The following ADK variants were observed in gnomAD, a reference collection of about 807,000 sequenced individuals.
ADK encodes the protein adenosine kinase.
In ADK, 24 loss-of-function variants were observed where a neutral mutation model predicts 44.7. The observed-to-expected ratio is 0.54, with a 90% CI of 0.39 to 0.76. ADK has a LOEUF of 0.76. Among genes scored for constraint, ADK ranks in the 30% least tolerant of loss-of-function variants. ADK has a pLI of 0.00. For missense variants in ADK, 321 were observed against 425.1 expected, an observed-to-expected ratio of 0.76 and a Z score of 2.15; for synonymous variants, 128 against 142.6, an observed-to-expected ratio of 0.90 and a Z score of 0.73.
chr10:74,567,742 A>G (rs1471255448), intron 7 of ADK, among the ~76,000 whole-genome samples: 1 of 129,542 alleles, frequency 7.7e-6, no homozygotes, highest in Non-Finnish European at 1.5e-5. Flanking sequence ...TCTGTCGCCC[A>G]GGCTGGAGTG....
chr10:74,560,849 C>G (rs954746599), intron 7 of ADK, among the ~76,000 whole-genome samples: 1 of 152,072 alleles, frequency 6.6e-6, no homozygotes, highest in Non-Finnish European at 1.5e-5. Context: ...TTGCTAAGCT[C>G]TTGCAAGAGA....
At chr10:74,708,209 G>A in intron 10 of ADK, 112 bp from the exon 11 acceptor site, 1 of 1,105,912 alleles carries the variant, frequency 9.0e-7, no homozygotes, top group Non-Finnish European at 1.3e-6. Flanking sequence ...TTCTCTTACT[G>A]TCAAGGCTGA....
chr10:74,259,605 C>T (rs1384529512), intron 3 of ADK, among the ~76,000 whole-genome samples: 1 of 151,632 alleles, frequency 6.6e-6, no homozygotes, highest in Admixed American at 6.6e-5. Context: ...TACAGGCACC[C>T]GCCACCATGC....
At chr10:74,552,608 CT>C (rs35421202) in intron 7 of ADK, among the ~76,000 whole-genome samples, 6,443 of 137,520 alleles carry the variant, frequency 0.047, 251 homozygotes, top group African/African-American at 0.11. Flanking sequence ...CTTAATAAAG[CT>C]TTTTTTTTTT....
At chr10:74,475,398 A>G (rs1846789455) in intron 6 of ADK, among the ~76,000 whole-genome samples, 1 of 152,116 alleles carries the variant, frequency 6.6e-6, no homozygotes, top group South Asian at 2.1e-4. Context: ...TGTTTCTCCA[A>G]GGATCACTGG....
intron 7 of ADK, among the ~76,000 whole-genome samples, chr10:74,574,464 T>G (rs1269327677): frequency 1.3e-5 from 2 of 152,220 alleles, no homozygotes; most frequent in African/African-American, 4.8e-5. Flanking sequence ...CCACTGTGCC[T>G]GGCCATTCTT....
At chr10:74,402,538 C>T (rs1328285288) in intron 6 of ADK, among the ~76,000 whole-genome samples, 1 of 152,140 alleles carries the variant, frequency 6.6e-6, no homozygotes, top group Non-Finnish European at 1.5e-5. Context: ...ATCGAATCAG[C>T]TACTGAAGCT....
chr10:74,244,343 A>G (rs1290773830), intron 3 of ADK, among the ~76,000 whole-genome samples: 2 of 152,232 alleles, frequency 1.3e-5, no homozygotes, highest in Non-Finnish European at 1.5e-5. Context: ...ACTTCAAAAA[A>G]GTGTATGGAA....
At chr10:74,528,531 C>T (rs1169276685) in intron 7 of ADK, among the ~76,000 whole-genome samples, 1 of 149,824 alleles carries the variant, frequency 6.7e-6, no homozygotes, top group African/African-American at 2.4e-5. Context: ...TAGACATCAT[C>T]AAAATTAACA....
intron 1 of ADK, among the ~76,000 whole-genome samples, chr10:74,196,900 A>G (rs867326066): frequency 2.0e-5 from 3 of 152,178 alleles, no homozygotes; most frequent in Non-Finnish European, 4.4e-5. Context: ...GTGGTCCAAC[A>G]ACTTCATTAA....
At chr10:74,349,269 TAAAG>T (rs1205532674) in intron 4 of ADK, among the ~76,000 whole-genome samples, 1 of 152,170 alleles carries the variant, frequency 6.6e-6, no homozygotes, top group East Asian at 1.9e-4. Context: ...TCAACATTCT[TAAAG>T]AAAAGAATTT....
chr10:74,416,539 A>G (rs1435738743), intron 6 of ADK, among the ~76,000 whole-genome samples: 1 of 148,018 alleles, frequency 6.8e-6, no homozygotes, highest in African/African-American at 2.5e-5. Flanking sequence ...TTTCTGGCAC[A>G]AGGTTGGTTT....
intron 6 of ADK, among the ~76,000 whole-genome samples, chr10:74,501,643 A>T (rs1847887724): frequency 6.6e-6 from 1 of 152,224 alleles, no homozygotes; most frequent in African/African-American, 2.4e-5. Flanking sequence ...ACATTGTGAT[A>T]GATCCATACA....
At chr10:74,699,764 T>G (rs1378751605) in intron 10 of ADK, among the ~76,000 whole-genome samples, 1 of 152,206 alleles carries the variant, frequency 6.6e-6, no homozygotes, top group African/African-American at 2.4e-5. Context: ...CAGAGAGATT[T>G]GTTCTTTAAA....
At chr10:74,299,568 T>C (rs998775182) in intron 3 of ADK, among the ~76,000 whole-genome samples, 2 of 148,402 alleles carry the variant, frequency 1.3e-5, no homozygotes, top group South Asian at 2.1e-4. Context: ...TCATAAACTT[T>C]GTAGATTTCT....
chr10:74,678,611 A>G (rs1012865761), intron 10 of ADK, among the ~76,000 whole-genome samples: 1 of 152,242 alleles, frequency 6.6e-6, no homozygotes, highest in East Asian at 1.9e-4. Context: ...CATGTAGGCT[A>G]TCAGACTCCA....
intron 6 of ADK, among the ~76,000 whole-genome samples, chr10:74,432,443 A>G (rs1046200804): frequency 7.9e-5 from 12 of 152,074 alleles, no homozygotes; most frequent in Non-Finnish European, 1.6e-4. Flanking sequence ...TGGTGATAGT[A>G]TTTTTTTCAT....
At chr10:74,429,905 A>G (rs1844923440) in intron 6 of ADK, among the ~76,000 whole-genome samples, 1 of 152,216 alleles carries the variant, frequency 6.6e-6, no homozygotes, top group Non-Finnish European at 1.5e-5. Flanking sequence ...ATTATTCTCT[A>G]AAATTATTAA....
intron 1 of ADK, among the ~76,000 whole-genome samples, chr10:74,172,988 T>C (rs1842211457): frequency 6.6e-6 from 1 of 152,066 alleles, no homozygotes; most frequent in African/African-American, 2.4e-5. Flanking sequence ...TTATTAACTA[T>C]TTTAATATTG....
Sources: allele counts gnomAD v4.1 joint callset (sites outside exome capture counted in the v4.1 genomes callset), GRCh38; gene constraint gnomAD v4.1.1; transcripts MANE v1.5; gene names NCBI Gene and HGNC (gene_info 2026-07-23, HGNC 2026-07-21).